Variants in CYP20A1 observed in about 807,000 individuals in gnomAD.
CYP20A1 encodes cytochrome P450 20A1.
Under a neutral mutation model 61.4 loss-of-function variants are expected in CYP20A1, and 61 were observed. The ratio of observed to expected loss-of-function variants is 0.99; its 90% confidence interval spans 0.81 to 1.23. The LOEUF is 1.23. CYP20A1 is among the 50% of genes most tolerant of loss of function. The probability of loss-of-function intolerance (pLI) is 0.00; values close to 1 mark genes in which losing one functional copy is unlikely to be tolerated. For synonymous variants in CYP20A1, 193 were observed against 188.2 expected, an observed-to-expected ratio of 1.03 and a Z score of -0.21; for missense variants, 530 against 542.4, an observed-to-expected ratio of 0.98 and a Z score of 0.23.
At chr2:203,271,706 C>T (rs1185989653) in intron 5 of CYP20A1, among the ~76,000 whole-genome samples, 1 of 152,074 alleles carries the variant, frequency 6.6e-6, no homozygotes, top group East Asian at 1.9e-4. Flanking sequence ...TTTGTAATTA[C>T]CTGTGAATTT....
At chr2:203,295,986 C>T (rs977672023) in intron 11 of CYP20A1, among the ~76,000 whole-genome samples, 2 of 151,570 alleles carry the variant, frequency 1.3e-5, no homozygotes, top group Non-Finnish European at 2.9e-5. Context: ...AAGTGCCAGT[C>T]GTGGTGGTTC....
At position 203,278,584 on chromosome 2, in the gene CYP20A1, C is replaced by T; in HGVS notation, c.691C>T (p.Leu231=). 6.4e-7 allele frequency: 1 copy of T among 1,570,582 alleles called. No individual in the cohort carries two copies. Among genetic ancestry groups the T allele is most frequent in the Non-Finnish European group, 8.6e-7 (1 of 1,157,384 alleles). The change falls in exon 7 of 13, where the codon CTG becomes TTG. Residue 231 remains leucine, a synonymous_variant. Transcript: ENST00000356079. The part of the protein sequence containing the change: ...KKQYEDALMQ[L]ESVLRNIIKE... ...TTTTTTTCTCTAAGCCCTCATGCAA[C>T]TGGAGTCTGTTTTAAGGAACATCAT...
rs998760213 is a variant in CYP20A1, at chr2:203,302,908, G to C, written c.*6000G>C. ...GGGTTTTACCGTGTTGGTCAGGCTG[G>C]TCCTGAACTCTTGACCTTGTGATCT... On this transcript the variant is annotated 3_prime_UTR_variant, in exon 13 of 13. Coordinates refer to ENST00000356079, the MANE Select transcript of CYP20A1 (RefSeq NM_177538.3). 3.3e-5 allele frequency among the ~76,000 whole-genome samples: 5 copies of C among 152,212 alleles called. No homozygotes were observed. The East Asian group carries it at 9.7e-4, about 29-fold the overall frequency.
chr2:203,239,456 AAGTACTTTGGGCAGCTTTT>A (rs2105881675), intron 1 of CYP20A1, among the ~76,000 whole-genome samples: 1 of 152,302 alleles, frequency 6.6e-6, no homozygotes, highest in African/African-American at 2.4e-5. Flanking sequence ...GGCGGCTCTC[AAGTACTTTGGGCAGCTTTT>A]TGGCCATAAC....
intron 4 of CYP20A1, among the ~76,000 whole-genome samples, chr2:203,264,793 A>C (rs1212628080): frequency 1.3e-5 from 2 of 152,122 alleles, no homozygotes; most frequent in East Asian, 3.9e-4. Flanking sequence ...GCAGTGGTGC[A>C]ATCTCAGCTC....
In CYP20A1 at chr2:203,291,683, A is replaced by AT. The variant is rs920058643; in HGVS notation, c.1084-569dup. Among the ~76,000 whole-genome samples the AT allele has an allele frequency of 1.1e-3, 158 of 148,986 alleles. 1 individual carries two copies. The highest frequency in any genetic ancestry group is 3.2e-3 in the African/African-American group (130 of 40,738). ...GTTATTGTTTTTTAACTGGATGCAG[A>AT]TTTTTTTTTTATACTTTAAGTTTTA... is the stretch of plus-strand genomic sequence containing the variant. On this transcript the variant is annotated intron_variant, in intron 10 of 12. Transcript: ENST00000356079.
chr2:203,284,737 CTTTTTTTTTTT>C (rs748438150), intron 8 of CYP20A1, among the ~76,000 whole-genome samples: 17 of 99,118 alleles, frequency 1.7e-4, no homozygotes, highest in East Asian at 5.9e-4. Context: ...AGAACCACTG[CTTTTTTTTTTT>C]TTTTTTTTTT....
intron 2 of CYP20A1, among the ~76,000 whole-genome samples, chr2:203,246,467 G>A (rs993110359): frequency 1.1e-4 from 16 of 152,184 alleles, no homozygotes; most frequent in African/African-American, 3.9e-4. Flanking sequence ...ATTAGGTGCT[G>A]GGAAAGTGGG....
intron 8 of CYP20A1, among the ~76,000 whole-genome samples, chr2:203,281,210 A>C (rs2068028344): frequency 6.6e-6 from 1 of 152,208 alleles, no homozygotes; most frequent in South Asian, 2.1e-4. Context: ...AAAATACTTA[A>C]AGGAAGTATT....
intron 4 of CYP20A1, among the ~76,000 whole-genome samples, chr2:203,264,764 C>G (rs2067261265): frequency 6.6e-6 from 1 of 152,030 alleles, no homozygotes; most frequent in Admixed American, 6.6e-5. Context: ...GAGTCTCACT[C>G]TGTCGCCCAG....
chr2:203,298,533 C>CAA lies in CYP20A1; in HGVS notation c.*1642_*1643dup, dbSNP rs76767556. On this transcript the variant is annotated 3_prime_UTR_variant, in exon 13 of 13. Transcript: ENST00000356079. ...TGAAACCCCGTCTCTACTAAAAATA[C>CAA]AAAAAAAAAAAAAAAAAATTAGCCA... Among the ~76,000 whole-genome samples the CAA allele has an allele frequency of 0.08, 9,931 of 124,440 alleles. 506 individuals are homozygous for CAA. Among genetic ancestry groups the CAA allele is most frequent in the Admixed American group, 0.13 (1,494 of 11,334 alleles). 81.6% of individuals were successfully genotyped at this position (124,440 alleles called of 152,430 possible). A position where few individuals can be genotyped will look rare whatever the true frequency, so the allele number is the denominator to read the frequency against.
chr2:203,304,778 A>G lies in CYP20A1; in HGVS notation c.*7870A>G, dbSNP rs1322531810. On this transcript the variant is annotated 3_prime_UTR_variant, in exon 13 of 13. Transcript: ENST00000356079. Reference sequence around the variant, plus strand: ...TGGCGAAACTGCATCTCTACAAAAAATACAAAAATTAGCCAGGTGTGCTGG... The same window carrying G: ...TGGCGAAACTGCATCTCTACAAAAAGTACAAAAATTAGCCAGGTGTGCTGG... Among the ~76,000 whole-genome samples the G allele has an allele frequency of 6.6e-6, 1 of 152,096 alleles. No homozygotes were observed. Among genetic ancestry groups the G allele is most frequent in the Non-Finnish European group, 1.5e-5 (1 of 68,016 alleles).
intron 5 of CYP20A1, among the ~76,000 whole-genome samples, chr2:203,270,826 C>T (rs1189484453): frequency 6.8e-6 from 1 of 147,526 alleles, no homozygotes; most frequent in East Asian, 2.0e-4. Context: ...ACCTCACCCT[C>T]CTGAGTAGCT....
chr2:203,266,813 T>C (rs2067342234), intron 5 of CYP20A1, 132 bp downstream of exon 5: 4 of 720,770 alleles, frequency 5.5e-6, no homozygotes, highest in Non-Finnish European at 9.3e-6. Flanking sequence ...AAAACGTGTC[T>C]CTACTAAAAA....
intron 1 of CYP20A1, 43 bp downstream of exon 1, chr2:203,239,177 A>C (rs760644923): frequency 6.5e-7 from 1 of 1,539,868 alleles, no homozygotes; most frequent in Admixed American, 1.7e-5. Flanking sequence ...GCGCCGCCCC[A>C]GTCTCTCTGT....
chr2:203,289,904 A>G lies in CYP20A1; in HGVS notation c.1083+28A>G, dbSNP rs1240009378. ...AGAAAACCTTTAATATGTTTAATTC[A>G]TTCAGCTATTCTCAACTCTTTTGGT... is the stretch of plus-strand genomic sequence containing the variant. On this transcript the variant is annotated intron_variant, in intron 10 of 12. Coordinates refer to ENST00000356079, the MANE Select transcript of CYP20A1 (RefSeq NM_177538.3). The G allele has an allele frequency of 3.5e-6, 4 of 1,136,956 alleles. No individual in the cohort carries two copies. In the East Asian group the frequency reaches 9.8e-5, roughly 28 times the overall value. The allele number at this position is 1,136,956 out of a possible 1,614,324, so 70.4% of individuals were successfully genotyped here. A position where few individuals can be genotyped will look rare whatever the true frequency, so the allele number is the denominator to read the frequency against.
In CYP20A1 at chr2:203,246,015, A is replaced by G. The variant is rs2105897999; in HGVS notation, c.122+120A>G. 3 of 660,928 alleles carry G rather than the reference A, an allele frequency of 4.5e-6. No homozygotes were observed. In the East Asian group the frequency reaches 8.9e-5, roughly 20 times the overall value. The allele number at this position is 660,928 out of a possible 1,614,324, so 40.9% of individuals were successfully genotyped here. On this transcript the variant is annotated intron_variant, in intron 2 of 12. Transcript: ENST00000356079. ...CCAGCTACTGAGGAGGTTGAGGTGG[A>G]AGATCGCTTGAGGCCAGGAGTTTAA...
intron 9 of CYP20A1, 80 bp from the exon 10 acceptor site, chr2:203,289,685 G>T: frequency 1.6e-6 from 1 of 630,742 alleles, no homozygotes; most frequent in Admixed American, 2.9e-5. Flanking sequence ...AGCAGTTGTT[G>T]AAGAACGTTT....
At chr2:203,246,029 C>T (rs1260489542) in intron 2 of CYP20A1, 134 bp downstream of exon 2, 2 of 599,992 alleles carry the variant, frequency 3.3e-6, no homozygotes, top group Non-Finnish European at 5.9e-6. Context: ...TCGCTTGAGG[C>T]CAGGAGTTTA....
Sources: gnomAD v4.1 joint callset for allele counts (sites outside exome capture counted in the v4.1 genomes callset) on GRCh38, gnomAD v4.1.1 for gene constraint, MANE v1.5 for transcripts, NCBI Gene and HGNC (gene_info 2026-07-23, HGNC 2026-07-21) for gene names.